Variants in PNPLA7 observed in about 807,000 individuals in gnomAD.
PNPLA7 encodes patatin like domain 7, lysophospholipase, also known as patatin-like phospholipase domain-containing protein 7.
Under a neutral mutation model 161.7 loss-of-function variants are expected in PNPLA7, and 153 were observed. That is an observed-to-expected ratio of 0.95 (90% confidence interval 0.83 to 1.08). PNPLA7 has a LOEUF of 1.08. PNPLA7 is among the 50% of genes least tolerant of loss of function. PNPLA7 has a pLI of 0.00. For synonymous variants in PNPLA7, 809 were observed against 782.1 expected (o/e 1.03, Z -0.57); for missense variants, 1,739 against 1,856.6 (o/e 0.94, Z 1.16).
At chr9:137,464,308 G>C in intron 27 of PNPLA7, 32 bp downstream of exon 27, 1 of 1,607,348 alleles carries the variant, frequency 6.2e-7, no homozygotes, top group South Asian at 1.1e-5. Flanking sequence ...AGGCACTGGG[G>C]GCTGCATGGG....
chr9:137,545,944 C>G (rs1455475530), intron 4 of PNPLA7, among the ~76,000 whole-genome samples: 3 of 152,150 alleles, frequency 2.0e-5, no homozygotes, highest in Admixed American at 1.3e-4. Flanking sequence ...TCCCTTTCCC[C>G]AGGGGAGTTC....
intron 21 of PNPLA7, among the ~76,000 whole-genome samples, chr9:137,484,022 A>G (rs924921148): frequency 2.6e-5 from 4 of 151,608 alleles, no homozygotes; most frequent in South Asian, 4.2e-4. Flanking sequence ...TGCAACCTCT[A>G]TCTCCCGGGT....
Position 137,463,513 on chromosome 9 carries a change from A to G in PNPLA7, c.3245T>C (p.Val1082Ala), listed in dbSNP as rs1831318145. Residue 1082 changes from valine to alanine, a missense_variant, in exon 29 of 35, where the codon GTG becomes GCG. This residue lies in a region of PNPLA7 where 703 missense variants were observed against 694.6 expected (regional missense o/e 1.01). Coordinates refer to ENST00000406427, the MANE Select transcript of PNPLA7 (RefSeq NM_001098537.3). The part of the protein sequence containing the change: ...VHTDGSLWWY[V>A]RASMSLSGYM... ...ACCGGACAGGGACATGCTGGCACGC[A>G]CGTACCACCACAGGGAGCCTGGGGA... 6.3e-7 allele frequency: 1 copy of G among 1,585,108 alleles called. No individual in the cohort carries two copies.
chr9:137,531,389 A>C lies in PNPLA7; in HGVS notation c.748-8532T>G, dbSNP rs556639032. Among the ~76,000 whole-genome samples the C allele has an allele frequency of 2.1e-4, 32 of 152,342 alleles. 1 individual carries two copies. The highest frequency in any genetic ancestry group is 7.7e-4 in the African/African-American group (32 of 41,588). ...TATTTCAAATCCACTTGTTTACTTC[A>C]AAAAACCATGCCTTCATAACCTCAC... On this transcript the variant is annotated intron_variant, in intron 8 of 34. Coordinates refer to ENST00000406427, the MANE Select transcript of PNPLA7 (RefSeq NM_001098537.3).
chr9:137,521,324 G>A lies in PNPLA7; in HGVS notation c.957+312C>T, dbSNP rs991141091. Reference sequence around the variant, plus strand: ...CCAGGCGGCTGTTCACAACCGTGTGGGCCTCCAGAGGGACAACTCCATCAT... The same window carrying A: ...CCAGGCGGCTGTTCACAACCGTGTGAGCCTCCAGAGGGACAACTCCATCAT... On this transcript the variant is annotated intron_variant, in intron 10 of 34. Transcript: ENST00000406427. Among the ~76,000 whole-genome samples the A allele has an allele frequency of 2.6e-5, 4 of 152,206 alleles. 1 individual carries two copies. The highest frequency in any genetic ancestry group is 9.6e-5 in the African/African-American group (4 of 41,452).
intron 4 of PNPLA7, among the ~76,000 whole-genome samples, chr9:137,544,651 GT>G (rs1034272789): frequency 6.6e-6 from 1 of 152,018 alleles, no homozygotes; most frequent in African/African-American, 2.4e-5. Flanking sequence ...TTGTTTGTTC[GT>G]TTGTTTTTGA....
At position 137,468,820 on chromosome 9, in the gene PNPLA7, AATATG is replaced by A. The variant is rs1831591765; in HGVS notation, c.2883-1352_2883-1348del. 6.6e-6 allele frequency among the ~76,000 whole-genome samples: 1 copy of A among 152,162 alleles called. No homozygotes were observed. The highest frequency in any genetic ancestry group is 1.5e-5 in the Non-Finnish European group (1 of 68,038). On this transcript the variant is annotated intron_variant, in intron 25 of 34. Coordinates refer to ENST00000406427, the MANE Select transcript of PNPLA7 (RefSeq NM_001098537.3). The surrounding 1 kb of genome is among the most constrained non-coding windows in gnomAD (Gnocchi z 4.0). Reference sequence around the variant, plus strand: ...ACAACATTGTATCATTAATTATATTAATATGATATATTAATACTTAATTGGATACT... The same window carrying A: ...ACAACATTGTATCATTAATTATATTAATATATTAATACTTAATTGGATACT...
chr9:137,517,158 G>A (rs1232656671), intron 11 of PNPLA7, among the ~76,000 whole-genome samples: 2 of 135,194 alleles, frequency 1.5e-5, no homozygotes, highest in African/African-American at 2.8e-5. Context: ...ACTCCACTCT[G>A]CTCACTCCAT....
intron 25 of PNPLA7, among the ~76,000 whole-genome samples, chr9:137,471,878 C>T (rs755908228): frequency 1.3e-5 from 2 of 151,986 alleles, no homozygotes; most frequent in Non-Finnish European, 2.9e-5. Context: ...TTTTAAAATT[C>T]ACATGCAAAT....
intron 11 of PNPLA7, among the ~76,000 whole-genome samples, chr9:137,517,241 A>T (rs1240002449): frequency 2.3e-5 from 1 of 43,232 alleles, no homozygotes; most frequent in Non-Finnish European, 4.3e-5. Context: ...TCCATCCCTC[A>T]CTCACTCACT....
At chr9:137,536,131 C>T (rs1404582226) in intron 8 of PNPLA7, among the ~76,000 whole-genome samples, 1 of 146,160 alleles carries the variant, frequency 6.8e-6, no homozygotes, top group African/African-American at 2.6e-5. Context: ...CCAGCCTGGG[C>T]GACAGACCAA....
rs894115220 is a variant in PNPLA7, at chr9:137,524,563, C to T, written c.748-1706G>A. 2.0e-5 allele frequency among the ~76,000 whole-genome samples: 3 copies of T among 152,234 alleles called. No homozygotes were observed. The highest frequency in any genetic ancestry group is 2.9e-5 in the Non-Finnish European group (2 of 68,048). On this transcript the variant is annotated intron_variant, in intron 8 of 34. Coordinates refer to ENST00000406427, the MANE Select transcript of PNPLA7 (RefSeq NM_001098537.3). The surrounding 1 kb of genome is among the most constrained non-coding windows in gnomAD (Gnocchi z 4.4). ...TGTTTGCGTGGACACAGTTCTCATC[C>T]CTCTTGCTAAATACCTAGGGATGGG...
chr9:137,522,522 C>T (rs573381917), intron 9 of PNPLA7, among the ~76,000 whole-genome samples: 8 of 152,262 alleles, frequency 5.3e-5, no homozygotes, highest in Non-Finnish European at 8.8e-5. Flanking sequence ...TCATTATTCC[C>T]GAACCCACTC....
intron 34 of PNPLA7, 34 bp downstream of exon 34, chr9:137,460,594 CAGCTGT>C (rs1246175540): frequency 6.2e-7 from 1 of 1,600,978 alleles, no homozygotes; most frequent in African/African-American, 1.3e-5. Context: ...CACCAAGGCT[CAGCTGT>C]GGGCACCAGG....
rs760510189 is a variant in PNPLA7, at chr9:137,495,072, C to T, written c.2088G>A (p.Pro696=). The change falls in exon 19 of 35, where the codon CCG becomes CCA. Residue 696 remains proline (P), a synonymous_variant. Coordinates refer to ENST00000406427, the MANE Select transcript of PNPLA7 (RefSeq NM_001098537.3). Reference sequence around the variant, plus strand: ...GCTTGATGGACGTGAGGGCTCCTGCCGGCAGCTTGGCCAATTCTGAGTCCC... The same window carrying T: ...GCTTGATGGACGTGAGGGCTCCTGCTGGCAGCTTGGCCAATTCTGAGTCCC... The part of the protein sequence containing the change: ...AVRDSELAKL[P]AGALTSIKRR... The T allele has an allele frequency of 1.4e-5, 22 of 1,610,280 alleles. No homozygotes were observed. Among genetic ancestry groups the T allele is most frequent in the East Asian group, 6.7e-5 (3 of 44,866 alleles).
rs1831935171 is a variant in PNPLA7, at chr9:137,476,095, G to T, written c.2882+1939C>A. Among the ~76,000 whole-genome samples, 1 of 152,206 alleles carries T rather than the reference G, an allele frequency of 6.6e-6. No individual in the cohort carries two copies. Among genetic ancestry groups the T allele is most frequent in the African/African-American group, 2.4e-5 (1 of 41,460 alleles). On this transcript the variant is annotated intron_variant, in intron 25 of 34. Transcript: ENST00000406427. This position sits in a 1 kb window ranked among gnomAD's most constrained non-coding sequence, Gnocchi z 4.5. ...AAAATTCCAGGCCAACATCTCAGCA[G>T]CATGTTAGAAAACAACCAGTAGAGA... is the stretch of plus-strand genomic sequence containing the variant.
In PNPLA7 at chr9:137,467,606, G is replaced by A. The variant is rs1360251975; in HGVS notation, c.2883-133C>T. 4 of 1,242,198 alleles carry A rather than the reference G, an allele frequency of 3.2e-6. No homozygotes were observed. In the African/African-American group the frequency reaches 6.1e-5, roughly 19 times the overall value. The allele number at this position is 1,242,198 out of a possible 1,614,324, so 76.9% of individuals were successfully genotyped here. ...GCTGACGCAGAGAGGGACTCCAGAT[G>A]CAGTTTAAAACCCCTCTTTCCGGGC... On this transcript the variant is annotated intron_variant, in intron 25 of 34. Coordinates refer to ENST00000406427, the MANE Select transcript of PNPLA7 (RefSeq NM_001098537.3). This position sits in a 1 kb window ranked among gnomAD's most constrained non-coding sequence, Gnocchi z 5.1.
chr9:137,545,929 G>A (rs1326791334), intron 4 of PNPLA7, among the ~76,000 whole-genome samples: 2 of 152,070 alleles, frequency 1.3e-5, no homozygotes, highest in Admixed American at 6.5e-5. Context: ...CAGGGAAAGG[G>A]AGTCTCCCTT....
intron 17 of PNPLA7, 29 bp downstream of exon 17, chr9:137,498,085 T>C (rs370779372): frequency 4.3e-5 from 69 of 1,605,534 alleles, no homozygotes; most frequent in Non-Finnish European, 5.6e-5. Flanking sequence ...GCAGCATGGA[T>C]GCGGAGTGTG....
Sources: gnomAD v4.1 joint callset for allele counts (sites outside exome capture counted in the v4.1 genomes callset) on GRCh38, gnomAD v4.1.1 for gene constraint, gnomAD v4.1.1 regional missense constraint, Gnocchi (gnomAD v3.1) non-coding constraint, MANE v1.5 for transcripts, NCBI Gene and HGNC (gene_info 2026-07-23, HGNC 2026-07-21) for gene names.